CALCRL: variants seen among roughly 807,000 people sequenced by gnomAD.
The protein encoded by CALCRL is calcitonin gene-related peptide type 1 receptor.
In CALCRL, 27 loss-of-function variants were observed where a neutral mutation model predicts 60.4. The observed-to-expected ratio is 0.45, with a 90% CI of 0.33 to 0.62. The LOEUF is 0.62. Among genes scored for constraint, CALCRL ranks in the 20% least tolerant of loss-of-function variants. The pLI, the probability that CALCRL is intolerant of heterozygous loss-of-function variation, is 0.03. For synonymous variants in CALCRL, 190 were observed against 182.6 expected (o/e 1.04, Z -0.33); for missense variants, 424 against 540.7 (o/e 0.78, Z 2.14).
intron 8 of CALCRL, among the ~76,000 whole-genome samples, chr2:187,363,837 T>C (rs186371816): frequency 2.6e-5 from 4 of 152,318 alleles, no homozygotes; most frequent in Admixed American, 2.0e-4. Context: ...TTAAGTTAGA[T>C]AATTGATCAA....
intron 8 of CALCRL, among the ~76,000 whole-genome samples, chr2:187,373,375 G>A (rs1018348876): frequency 2.0e-5 from 3 of 151,860 alleles, no homozygotes; most frequent in African/African-American, 2.4e-5. Flanking sequence ...GGTATCTTCT[G>A]GTCATAAAAA....
At chr2:187,429,610 T>A (rs1236665863) in intron 1 of CALCRL, among the ~76,000 whole-genome samples, 1 of 152,210 alleles carries the variant, frequency 6.6e-6, no homozygotes, top group Non-Finnish European at 1.5e-5. Flanking sequence ...CAAACTGCAA[T>A]CATAGTTCTC....
At chr2:187,351,878 G>A in intron 14 of CALCRL, 42 bp downstream of exon 14, 1 of 1,198,168 alleles carries the variant, frequency 8.3e-7, no homozygotes, top group Admixed American at 2.0e-5. Flanking sequence ...TAGACAGATA[G>A]CAAATATAAA....
chr2:187,395,272 G>C (rs1226136968), intron 1 of CALCRL, among the ~76,000 whole-genome samples: 2 of 151,994 alleles, frequency 1.3e-5, no homozygotes, highest in Non-Finnish European at 2.9e-5. Context: ...TAAAGTGAAG[G>C]ACACATTTCT....
intron 10 of CALCRL, among the ~76,000 whole-genome samples, chr2:187,359,756 A>C (rs758556637): frequency 3.3e-5 from 5 of 152,110 alleles, no homozygotes; most frequent in Non-Finnish European, 7.4e-5. Flanking sequence ...ATGTACCAAA[A>C]ATTTGGCAGC....
intron 1 of CALCRL, among the ~76,000 whole-genome samples, chr2:187,389,254 G>T (rs769416489): frequency 1.3e-5 from 2 of 151,946 alleles, no homozygotes; most frequent in Non-Finnish European, 2.9e-5. Context: ...TGTATTTTTA[G>T]TAGAGACAGG....
chr2:187,366,918 C>CACACA lies in CALCRL; in HGVS notation c.501-3417_501-3416insTGTGT, dbSNP rs1553506257. On this transcript the variant is annotated intron_variant, in intron 8 of 14. Transcript: ENST00000392370. The stretch of plus-strand genomic sequence containing the variant: ...AAAAATGTCATTATTGTGAGTATAA[C>CACACA]CCCACACACACACACACACACACAC... 2.8e-3 allele frequency among the ~76,000 whole-genome samples: 233 copies of CACACA among 84,590 alleles called. 3 individuals carry two copies. Among genetic ancestry groups the CACACA allele is most frequent in the African/African-American group, 9.8e-3 (219 of 22,438 alleles). 55.5% of individuals were successfully genotyped at this position (84,590 alleles called of 152,430 possible).
rs1686202657 is a variant in CALCRL, at chr2:187,344,507, T to G, written c.*1677A>C. Reference sequence around the variant, plus strand: ...TTACTAATTGAAGTCATTCTTGTTCTTTAGAGATTTCAGCGGAAAATAACA... The same window carrying G: ...TTACTAATTGAAGTCATTCTTGTTCGTTAGAGATTTCAGCGGAAAATAACA... On this transcript the variant is annotated 3_prime_UTR_variant, in exon 15 of 15. Coordinates refer to ENST00000392370, the MANE Select transcript of CALCRL (RefSeq NM_005795.6). 1 of 151,700 alleles carries G rather than the reference T, an allele frequency of 6.6e-6. No homozygotes were observed. The allele number at this position is 151,700 out of a possible 1,614,324, so 9.4% of individuals were successfully genotyped here.
intron 8 of CALCRL, among the ~76,000 whole-genome samples, chr2:187,378,341 A>C (rs535994251): frequency 6.6e-6 from 1 of 152,196 alleles, no homozygotes; most frequent in Non-Finnish European, 1.5e-5. Flanking sequence ...TGCATGACTT[A>C]GAATTTAACT....
rs563824186 is a variant in CALCRL at position 187,348,811 on chromosome 2, T to C, written c.1171-2412A>G. ...CTAATACAATATCACACCTGTTAAA[T>C]ACGACATTAAAGCAGCTACTCTTAA... is the stretch of plus-strand genomic sequence containing the variant. On this transcript the variant is annotated intron_variant, in intron 14 of 14. Transcript: ENST00000392370. 1.5e-4 allele frequency among the ~76,000 whole-genome samples: 23 copies of C among 151,748 alleles called. No homozygotes were observed. The East Asian group carries it at 3.9e-3, about 26-fold the overall frequency.
intron 8 of CALCRL, 48 bp from the exon 9 acceptor site, chr2:187,363,550 T>TA: frequency 2.7e-6 from 4 of 1,496,428 alleles, no homozygotes; most frequent in Non-Finnish European, 3.6e-6. Flanking sequence ...AATGTTTTTT[T>TA]ATTAATCATT....
In CALCRL at chr2:187,403,476, G is replaced by A. The variant is rs189437440; in HGVS notation, c.-292-15720C>T. 2.2e-3 allele frequency among the ~76,000 whole-genome samples: 341 copies of A among 152,074 alleles called. 1 individual carries two copies. The highest frequency in any genetic ancestry group is 3.4e-3 in the Middle Eastern group (1 of 294). On this transcript the variant is annotated intron_variant, in intron 1 of 14. Coordinates refer to ENST00000392370, the MANE Select transcript of CALCRL (RefSeq NM_005795.6). ...CCCATCGTCATAGGACACATTTGCAGTTAAAGAAAGGTGACATTTTGTTTG... is the reference window on the plus strand; with the variant it reads ...CCCATCGTCATAGGACACATTTGCAATTAAAGAAAGGTGACATTTTGTTTG...
intron 8 of CALCRL, among the ~76,000 whole-genome samples, chr2:187,370,352 G>GA (rs532543869): frequency 1.8e-4 from 28 of 151,912 alleles, no homozygotes; most frequent in Non-Finnish European, 3.8e-4. Context: ...ACTTTTGGGA[G>GA]AAAAAATGTT....
At chr2:187,353,057 C>T (rs972584727) in intron 12 of CALCRL, among the ~76,000 whole-genome samples, 1 of 151,880 alleles carries the variant, frequency 6.6e-6, no homozygotes, top group African/African-American at 2.4e-5. Context: ...GAGACATAAA[C>T]CTTTGACACT....
At chr2:187,392,795 C>G (rs1336358242) in intron 1 of CALCRL, among the ~76,000 whole-genome samples, 2 of 152,066 alleles carry the variant, frequency 1.3e-5, no homozygotes, top group African/African-American at 4.8e-5. Flanking sequence ...CCTTGAACTC[C>G]TAGTCTCAAG....
intron 14 of CALCRL, among the ~76,000 whole-genome samples, 194 bp downstream of exon 14, chr2:187,351,726 C>A (rs1245574998): frequency 6.6e-6 from 1 of 151,788 alleles, no homozygotes; most frequent in Admixed American, 6.6e-5. Context: ...TGGCTTTGAA[C>A]TCCAATATGA....
At position 187,352,207 on chromosome 2, in the gene CALCRL, A is replaced by C. The variant is rs1686564397; in HGVS notation, c.1035T>G (p.Leu345=). The C allele has an allele frequency of 6.2e-7, 1 of 1,612,370 alleles. No homozygotes were observed. The highest frequency in any genetic ancestry group is 8.5e-7 in the Non-Finnish European group (1 of 1,178,980). The part of the protein sequence containing the change: ...VRATLILVPL[L]GIEFVLIPWR... ...ATGGAATCAGCACAAATTCAATGCC[A>C]AGCAATGGCACCAAGATAAGAGTAG... is the stretch of plus-strand genomic sequence containing the variant. The change falls in exon 13 of 15, where the codon CTT becomes CTG. Residue 345 remains leucine, a synonymous_variant. Transcript: ENST00000392370.
At chr2:187,413,823 A>G (rs1488421627) in intron 1 of CALCRL, among the ~76,000 whole-genome samples, 1 of 152,156 alleles carries the variant, frequency 6.6e-6, no homozygotes, top group East Asian at 1.9e-4. Context: ...GCATTTGCAA[A>G]GACTGGAAAT....
At chr2:187,400,312 G>A (rs570056228) in intron 1 of CALCRL, among the ~76,000 whole-genome samples, 9 of 151,402 alleles carry the variant, frequency 5.9e-5, no homozygotes, top group Non-Finnish European at 1.0e-4. Flanking sequence ...TTAGGAAAAT[G>A]CAATTCCAAA....
Sources: gnomAD v4.1 joint callset for allele counts (sites outside exome capture counted in the v4.1 genomes callset) on GRCh38, gnomAD v4.1.1 for gene constraint, MANE v1.5 for transcripts, NCBI Gene and HGNC (gene_info 2026-07-23, HGNC 2026-07-21) for gene names.